Variants in FAM120B observed in about 807,000 individuals in gnomAD.
FAM120B encodes the protein constitutive coactivator of peroxisome proliferator-activated receptor gamma.
In FAM120B, 83 loss-of-function variants were observed where a neutral mutation model predicts 96.3. The observed-to-expected ratio is 0.86, with a 90% CI of 0.72 to 1.03. FAM120B has a LOEUF of 1.03. Among genes scored for constraint, FAM120B ranks in the 50% least tolerant of loss-of-function variants. FAM120B has a pLI of 0.00. For synonymous variants in FAM120B, 407 were observed against 402.7 expected, an observed-to-expected ratio of 1.01 and a Z score of -0.13; for missense variants, 1,027 against 1,121.2, an observed-to-expected ratio of 0.92 and a Z score of 1.20.
chr6:170,375,308 T>C (rs554595792), intron 6 of FAM120B, among the ~76,000 whole-genome samples: 2 of 152,224 alleles, frequency 1.3e-5, no homozygotes, highest in Non-Finnish European at 2.9e-5. Flanking sequence ...CCTTGTGAAG[T>C]CCATTCCTTC....
intron 5 of FAM120B, among the ~76,000 whole-genome samples, chr6:170,354,604 A>G (rs1344430868): frequency 6.6e-6 from 1 of 152,150 alleles, no homozygotes; most frequent in Non-Finnish European, 1.5e-5. Flanking sequence ...AAAAGTGGGC[A>G]AAAGACATGA....
At chr6:170,354,205 A>G (rs1317288333) in intron 5 of FAM120B, among the ~76,000 whole-genome samples, 3 of 152,246 alleles carry the variant, frequency 2.0e-5, no homozygotes, top group Non-Finnish European at 4.4e-5. Flanking sequence ...TGCTGGGATA[A>G]CTGGCTGAGC....
chr6:170,397,266 G>C (rs1335319931), intron 9 of FAM120B, among the ~76,000 whole-genome samples: 1 of 152,170 alleles, frequency 6.6e-6, no homozygotes, highest in Non-Finnish European at 1.5e-5. Flanking sequence ...AGAGCACTTA[G>C]GTCCAAATGG....
At chr6:170,354,037 A>G (rs1016123527) in intron 5 of FAM120B, among the ~76,000 whole-genome samples, 9 of 152,234 alleles carry the variant, frequency 5.9e-5, no homozygotes, top group African/African-American at 2.2e-4. Flanking sequence ...CAAGGCTACC[A>G]TAACCAAAAC....
At chr6:170,369,536 T>G (rs1013636854) in intron 6 of FAM120B, among the ~76,000 whole-genome samples, 3 of 152,122 alleles carry the variant, frequency 2.0e-5, no homozygotes, top group Non-Finnish European at 4.4e-5. Context: ...GAGTCCAGTT[T>G]GGAGAGAGTG....
chr6:170,299,636 T>A (rs180991221), intron 1 of FAM120B, among the ~76,000 whole-genome samples: 249 of 152,380 alleles, frequency 1.6e-3, no homozygotes, highest in African/African-American at 5.6e-3. Flanking sequence ...TTTTTAGTTA[T>A]TTAAAGTGGG....
At chr6:170,333,829 GGATATATATACTACA>G (rs1469155580) in intron 4 of FAM120B, among the ~76,000 whole-genome samples, 3 of 152,124 alleles carry the variant, frequency 2.0e-5, no homozygotes, top group Non-Finnish European at 4.4e-5. Flanking sequence ...CATGTATATA[GGATATATATACTACA>G]TTTCATTTCT....
chr6:170,388,475 G>A lies in FAM120B; in HGVS notation c.2472G>A (p.Glu824=). 1 of 1,614,126 alleles carries A rather than the reference G, an allele frequency of 6.2e-7. No homozygotes were observed. Among genetic ancestry groups the A allele is most frequent in the Non-Finnish European group, 8.5e-7 (1 of 1,180,014 alleles). ...AATCTGAAAAGGGTTATGCTGTGGA[G>A]GTTCTTTTAGAACAAAATGTGAGTT... The part of the protein sequence containing the change: ...YLQSEKGYAV[E]VLLEQNRSRL... Residue 824 remains glutamate (E), a synonymous_variant, in exon 7 of 11, where the codon GAG becomes GAA. Coordinates refer to ENST00000476287, the MANE Select transcript of FAM120B (RefSeq NM_032448.3).
At chr6:170,404,170 C>T in intron 9 of FAM120B, 1 of 183,450 alleles carries the variant, frequency 5.5e-6, no homozygotes. Context: ...GCTGGGCCAG[C>T]CGCAGAAAGA....
At chr6:170,354,558 A>G (rs1787775412) in intron 5 of FAM120B, among the ~76,000 whole-genome samples, 1 of 152,118 alleles carries the variant, frequency 6.6e-6, no homozygotes, top group South Asian at 2.1e-4. Flanking sequence ...ACTTAAACAG[A>G]TTTACAAGAA....
intron 2 of FAM120B, among the ~76,000 whole-genome samples, chr6:170,320,832 G>A (rs543066434): frequency 2.6e-5 from 4 of 152,246 alleles, no homozygotes; most frequent in African/African-American, 4.8e-5. Context: ...ATAAGGAGGG[G>A]ATAATCCCCA....
chr6:170,306,208 C>T (rs1370373170), upstream of FAM120B, among the ~76,000 whole-genome samples: 2 of 152,196 alleles, frequency 1.3e-5, no homozygotes, highest in Non-Finnish European at 2.9e-5. Context: ...CGCGCCGTCC[C>T]GATACGGAGG....
intron 4 of FAM120B, among the ~76,000 whole-genome samples, chr6:170,333,561 A>G (rs1786211739): frequency 7.2e-6 from 1 of 139,058 alleles, no homozygotes; most frequent in Non-Finnish European, 1.5e-5. Context: ...TCTGTCGCCC[A>G]GGCTGGAATG....
rs547761889 is a variant in FAM120B, at chr6:170,361,242, A to G, written c.2283+2924A>G. Among the ~76,000 whole-genome samples the G allele has an allele frequency of 3.8e-3, 499 of 129,990 alleles. 16 individuals are homozygous for G. Among genetic ancestry groups the G allele is most frequent in the African/African-American group, 0.014 (427 of 30,664 alleles). The allele number at this position is 129,990 out of a possible 152,430, so 85.3% of individuals were successfully genotyped here. On this transcript the variant is annotated intron_variant, in intron 6 of 10. Coordinates refer to ENST00000476287, the MANE Select transcript of FAM120B (RefSeq NM_032448.3). Reference sequence around the variant, plus strand: ...TATATATATATATATATATACACGTATATATATATATACGTGTATATATAT... The same window carrying G: ...TATATATATATATATATATACACGTGTATATATATATACGTGTATATATAT...
chr6:170,298,281 A>G (rs1411345510), intron 1 of FAM120B: 1 of 152,238 alleles, frequency 6.6e-6, no homozygotes, highest in Non-Finnish European at 1.5e-5. Context: ...GTATCCAAGT[A>G]TCAGAGGGGA....
chr6:170,380,032 C>T (rs1405371659), intron 6 of FAM120B, among the ~76,000 whole-genome samples: 4 of 152,188 alleles, frequency 2.6e-5, no homozygotes, highest in East Asian at 1.9e-4. Flanking sequence ...CAGTAACTCC[C>T]GTTCTGCCGT....
chr6:170,360,624 C>G (rs536486297), intron 6 of FAM120B, among the ~76,000 whole-genome samples: 2 of 152,266 alleles, frequency 1.3e-5, no homozygotes, highest in African/African-American at 4.8e-5. Flanking sequence ...GAGACTTGTC[C>G]CATGCTTCTA....
At chr6:170,348,499 T>A (rs1459549398) in intron 5 of FAM120B, among the ~76,000 whole-genome samples, 176 bp downstream of exon 5, 1 of 152,176 alleles carries the variant, frequency 6.6e-6, no homozygotes, top group African/African-American at 2.4e-5. Context: ...TATGGCAAAA[T>A]ACGTACAAGA....
chr6:170,361,729 G>A (rs12660287), intron 6 of FAM120B, among the ~76,000 whole-genome samples: 9,670 of 152,240 alleles, frequency 0.064, 1,165 homozygotes, highest in East Asian at 0.57. Flanking sequence ...CATACATAGT[G>A]TGTACAACCC....
Sources: allele counts gnomAD v4.1 joint callset (sites outside exome capture counted in the v4.1 genomes callset), GRCh38; gene constraint gnomAD v4.1.1; transcripts MANE v1.5; gene names NCBI Gene and HGNC (gene_info 2026-07-23, HGNC 2026-07-21).